Variants in COL27A1 observed in about 807,000 individuals in gnomAD.
The protein encoded by COL27A1 is collagen alpha-1(XXVII) chain.
A neutral mutation model predicts 251.3 loss-of-function variants in COL27A1; 106 were observed. The ratio of observed to expected loss-of-function variants is 0.42; its 90% CI spans 0.36 to 0.50. The LOEUF (loss-of-function observed/expected upper bound fraction) is 0.50, where lower values mean the gene tolerates loss of function less well. COL27A1 is among the 20% of genes least tolerant of loss of function. The probability of loss-of-function intolerance (pLI) is 0.00; values close to 1 mark genes in which losing one functional copy is unlikely to be tolerated. For synonymous variants in COL27A1, 1,000 were observed against 986.3 expected (o/e 1.01, Z -0.26); for missense variants, 2,325 against 2,522.8 (o/e 0.92, Z 1.68).
At chr9:114,291,663 C>T (rs945909108) in intron 48 of COL27A1, among the ~76,000 whole-genome samples, 7 of 152,152 alleles carry the variant, frequency 4.6e-5, no homozygotes, top group South Asian at 2.1e-4. Flanking sequence ...GCAGGAGAAT[C>T]GCTTGAATTG....
At chr9:114,241,628 A>G (rs533772120) in intron 21 of COL27A1, among the ~76,000 whole-genome samples, 2 of 152,316 alleles carry the variant, frequency 1.3e-5, no homozygotes, top group African/African-American at 2.4e-5. Flanking sequence ...AGAAAGCCCT[A>G]TGTATGCCTG....
intron 2 of COL27A1, among the ~76,000 whole-genome samples, chr9:114,166,157 A>G (rs1416000384): frequency 6.6e-6 from 1 of 150,996 alleles, no homozygotes; most frequent in Non-Finnish European, 1.5e-5. Context: ...CCGTCCATCC[A>G]TCTACCTGTT....
intron 24 of COL27A1, 41 bp downstream of exon 24, chr9:114,245,951 T>A: frequency 6.3e-7 from 1 of 1,583,976 alleles, no homozygotes; most frequent in Non-Finnish European, 8.7e-7. Flanking sequence ...CTCCATTTAT[T>A]GGGCCCTTAC....
In COL27A1 at chr9:114,196,107, C is replaced by T. The variant is rs1440969032; in HGVS notation, c.2124+95C>T. Reference sequence around the variant, plus strand: ...AGCTGTGGGCCCACCTGCCTCTCCCCAGCCCCAGCCCAGCTCCCCTGGGCA... The same window carrying T: ...AGCTGTGGGCCCACCTGCCTCTCCCTAGCCCCAGCCCAGCTCCCCTGGGCA... On this transcript the variant is annotated intron_variant, in intron 7 of 60. Coordinates refer to ENST00000356083, the MANE Select transcript of COL27A1 (RefSeq NM_032888.4). The T allele has an allele frequency of 4.7e-6, 5 of 1,057,124 alleles. No homozygotes were observed. In the African/African-American group the frequency reaches 7.8e-5, roughly 16 times the overall value. 65.5% of individuals were successfully genotyped at this position (1,057,124 alleles called of 1,614,324 possible).
In COL27A1 at chr9:114,168,317, T is replaced by A; in HGVS notation, c.762T>A (p.Ser254=). Residue 254 remains serine, a synonymous_variant, in exon 3 of 61, where the codon TCT becomes TCA. Transcript: ENST00000356083. ...SPLGPLFSQD[S]GRPFTFQSDL... ...TGGGACCTCTCTTCTCCCAAGACTCTGGCAGACCTTTTACCTTCCAGTCCG... is the reference window on the plus strand; with the variant it reads ...TGGGACCTCTCTTCTCCCAAGACTCAGGCAGACCTTTTACCTTCCAGTCCG... 1 of 1,613,388 alleles carries A rather than the reference T, an allele frequency of 6.2e-7. No homozygotes were observed. Among genetic ancestry groups the A allele is most frequent in the Non-Finnish European group, 8.5e-7 (1 of 1,180,024 alleles).
intron 28 of COL27A1, among the ~76,000 whole-genome samples, chr9:114,262,937 G>GTTTTTTTT (rs1409630455): frequency 1.8e-5 from 1 of 56,178 alleles, no homozygotes; most frequent in African/African-American, 8.2e-5. Flanking sequence ...TTCCTTGTTT[G>GTTTTTTTT]ATTTTTTTTT....
chr9:114,301,685 C>T lies in COL27A1; in HGVS notation c.4813C>T (p.Pro1605Ser), dbSNP rs780564669. 4.2e-5 allele frequency: 68 copies of T among 1,610,658 alleles called. No homozygotes were observed. Among genetic ancestry groups the T allele is most frequent in the Non-Finnish European group, 5.6e-5 (66 of 1,178,666 alleles). The change falls in exon 55 of 61, where the codon CCT becomes TCT. Residue 1605 changes from proline (P) to serine (S), a missense_variant. Pro to Ser is a moderately conservative substitution (Grantham distance 74). Coordinates refer to ENST00000356083, the MANE Select transcript of COL27A1 (RefSeq NM_032888.4). ...GDWGLQGPRG[P>S]PGPRGRPGPP... Reference sequence around the variant, plus strand: ...TCTTCTTCTCTTGTTCCCCCAGGGTCCTCCCGGCCCCAGAGGGCGGCCCGG... The same window carrying T: ...TCTTCTTCTCTTGTTCCCCCAGGGTTCTCCCGGCCCCAGAGGGCGGCCCGG...
chr9:114,270,206 A>T (rs1835044134), intron 35 of COL27A1, among the ~76,000 whole-genome samples: 1 of 152,134 alleles, frequency 6.6e-6, no homozygotes, highest in Non-Finnish European at 1.5e-5. Context: ...CCTTACAGCA[A>T]CCCTTGAAGA....
Position 114,282,522 on chromosome 9 carries a change from C to G in COL27A1, c.3837C>G (p.Gly1279=), listed in dbSNP as rs747151412. Residue 1279 remains glycine, a synonymous_variant, in exon 39 of 61, where the codon GGC becomes GGG. Coordinates refer to ENST00000356083, the MANE Select transcript of COL27A1 (RefSeq NM_032888.4). ...MGVPGDPGPP[G]TPGPKGSRGS... is the part of the protein sequence containing the mutation. Reference sequence around the variant, plus strand: ...TCCCTGGAGACCCTGGACCCCCTGGCACTCCAGGCCCTAAAGGGTCCCGGG... The same window carrying G: ...TCCCTGGAGACCCTGGACCCCCTGGGACTCCAGGCCCTAAAGGGTCCCGGG... 1.1e-5 allele frequency: 17 copies of G among 1,564,178 alleles called. No homozygotes were observed. In the Admixed American group the frequency reaches 3.0e-4, roughly 28 times the overall value.
chr9:114,211,736 C>T (rs572390651), intron 12 of COL27A1, among the ~76,000 whole-genome samples: 1 of 152,346 alleles, frequency 6.6e-6, no homozygotes, highest in African/African-American at 2.4e-5. Context: ...GAGGCAGCCT[C>T]TCAGGGTCCC....
At chr9:114,291,267 G>GATTC (rs1827896407) in intron 48 of COL27A1, among the ~76,000 whole-genome samples, 1 of 152,212 alleles carries the variant, frequency 6.6e-6, no homozygotes, top group African/African-American at 2.4e-5. Flanking sequence ...CGCGTGGGAG[G>GATTC]AGGGGGCCCC....
chr9:114,166,873 G>A (rs1317006282), intron 2 of COL27A1, among the ~76,000 whole-genome samples: 2 of 152,208 alleles, frequency 1.3e-5, no homozygotes, highest in Non-Finnish European at 2.9e-5. Flanking sequence ...GCTTTGCCAG[G>A]GGACAGAGGT....
chr9:114,252,640 G>A lies in COL27A1; in HGVS notation c.3081G>A (p.Gly1027=). ...MGPPGVPGPK[G]SMGHPGMPGG... ...CCCCAGGCGTGCCTGGACCCAAGGG[G>A]TCGATGGTAAGGAGTAAGTCTGCAT... Residue 1027 remains glycine, a synonymous_variant, in exon 26 of 61, where the codon GGG becomes GGA. Transcript: ENST00000356083. The A allele has an allele frequency of 6.2e-7, 1 of 1,613,798 alleles. No homozygotes were observed. The highest frequency in any genetic ancestry group is 8.5e-7 in the Non-Finnish European group (1 of 1,179,906).
intron 14 of COL27A1, among the ~76,000 whole-genome samples, chr9:114,223,621 A>G (rs545549076): frequency 3.3e-5 from 5 of 152,234 alleles, no homozygotes; most frequent in African/African-American, 1.2e-4. Context: ...TATTAGAACC[A>G]CAGAAACACA....
chr9:114,303,444 G>A (rs1204542111), intron 56 of COL27A1, among the ~76,000 whole-genome samples: 3 of 151,968 alleles, frequency 2.0e-5, no homozygotes, highest in Non-Finnish European at 1.5e-5. Context: ...TCACCATGTT[G>A]GCCAGGCTGG....
In COL27A1 at chr9:114,195,901, T is replaced by G. The variant is rs935169117; in HGVS notation, c.2071-58T>G. On this transcript the variant is annotated intron_variant, in intron 6 of 60. Transcript: ENST00000356083. ...AGTTACCATTCCAATTTGTAGAGTG[T>G]AGCAGAGTGTCTCTGCTCCCGTTTT... 11 of 1,226,082 alleles carry G rather than the reference T, an allele frequency of 9.0e-6. No homozygotes were observed. The Admixed American group carries it at 1.8e-4, about 21-fold the overall frequency. The allele number at this position is 1,226,082 out of a possible 1,614,324, so 76.0% of individuals were successfully genotyped here. A position where few individuals can be genotyped will look rare whatever the true frequency, so the allele number is the denominator to read the frequency against.
intron 12 of COL27A1, among the ~76,000 whole-genome samples, chr9:114,215,220 AG>A (rs1324041306): frequency 6.6e-6 from 1 of 152,380 alleles, no homozygotes; most frequent in East Asian, 1.9e-4. Flanking sequence ...GGGAGGAGGC[AG>A]GGCTTCTAAC....
chr9:114,243,893 G>C (rs1034962397), intron 23 of COL27A1, among the ~76,000 whole-genome samples: 8 of 151,724 alleles, frequency 5.3e-5, no homozygotes, highest in Admixed American at 5.3e-4. Flanking sequence ...TGTGGCAGGG[G>C]CTGGGTTGCA....
chr9:114,238,086 A>AC (rs1832519505), intron 19 of COL27A1, among the ~76,000 whole-genome samples: 1 of 152,168 alleles, frequency 6.6e-6, no homozygotes, highest in South Asian at 2.1e-4. Context: ...CTAGCCACCC[A>AC]CAGCCACTCT....
Sources: gnomAD v4.1 joint callset for allele counts (sites outside exome capture counted in the v4.1 genomes callset) on GRCh38, gnomAD v4.1.1 for gene constraint, MANE v1.5 for transcripts, NCBI Gene and HGNC (gene_info 2026-07-23, HGNC 2026-07-21) for gene names.